The following ZBTB38 variants were observed in gnomAD, a reference collection of about 807,000 sequenced individuals.
The protein encoded by ZBTB38 is zinc finger and BTB domain-containing protein 38.
In ZBTB38, 20 loss-of-function variants were observed where a neutral mutation model predicts 76.8. The ratio of observed to expected loss-of-function variants is 0.26; its 90% CI spans 0.18 to 0.38. The LOEUF is 0.38. Ranked by LOEUF, ZBTB38 falls within the 10% of genes least tolerant of loss-of-function variation. ZBTB38 has a pLI of 1.00. For synonymous variants in ZBTB38, 504 were observed against 544.2 expected, an observed-to-expected ratio of 0.93 and a Z score of 1.03; for missense variants, 1,082 against 1,482.3, an observed-to-expected ratio of 0.73 and a Z score of 4.43.
At chr3:141,374,526 T>C (rs905080406) in intron 2 of ZBTB38, among the ~76,000 whole-genome samples, 4 of 152,102 alleles carry the variant, frequency 2.6e-5, no homozygotes, top group African/African-American at 9.7e-5. Context: ...GGACCCCTCA[T>C]CTTTGTCCAA....
chr3:141,325,791 A>G (rs1942656340), intron 1 of ZBTB38, among the ~76,000 whole-genome samples: 1 of 152,232 alleles, frequency 6.6e-6, no homozygotes, highest in African/African-American at 2.4e-5. Flanking sequence ...AACACTCTTG[A>G]TAATTTAAGC....
intron 1 of ZBTB38, among the ~76,000 whole-genome samples, chr3:141,338,602 A>G (rs1040267130): frequency 6.6e-5 from 10 of 152,210 alleles, no homozygotes; most frequent in Non-Finnish European, 1.5e-4. Flanking sequence ...TTGAGTACAC[A>G]TGGACACAAA....
intron 5 of ZBTB38, among the ~76,000 whole-genome samples, chr3:141,415,825 T>G (rs2073899760): frequency 6.6e-6 from 1 of 152,180 alleles, no homozygotes; most frequent in Non-Finnish European, 1.5e-5. Flanking sequence ...TTATAGTGCC[T>G]CATTCCTTTC....
intron 1 of ZBTB38, among the ~76,000 whole-genome samples, chr3:141,352,124 G>A (rs907417306): frequency 6.6e-6 from 1 of 152,122 alleles, no homozygotes; most frequent in Non-Finnish European, 1.5e-5. Context: ...CACTCTAGGG[G>A]AGCAGGGGAG....
intron 4 of ZBTB38, chr3:141,402,707 C>A (rs1313230879): frequency 6.6e-6 from 1 of 152,000 alleles, no homozygotes; most frequent in African/African-American, 2.4e-5. Context: ...GGGGTGGGTT[C>A]GGCTGGAGAG....
chr3:141,404,354 A>C (rs574440911), intron 5 of ZBTB38, among the ~76,000 whole-genome samples: 1 of 152,148 alleles, frequency 6.6e-6, no homozygotes, highest in African/African-American at 2.4e-5. Flanking sequence ...TGAGGCCCGG[A>C]GAGTTTAAAT....
rs116834214 is a variant in ZBTB38 at position 141,360,215 on chromosome 3, A to G, written c.-738-8406A>G. Among the ~76,000 whole-genome samples the G allele has an allele frequency of 2.9e-3, 447 of 152,292 alleles. 1 individual carries two copies. The highest frequency in any genetic ancestry group is 0.01 in the African/African-American group (434 of 41,558). On this transcript the variant is annotated intron_variant, in intron 1 of 7. Coordinates refer to the ZBTB38 transcript ENST00000509842. Reference sequence around the variant, plus strand: ...GCACCACACAATTCAGTGTCCTCTAATGTCTGTCATAGACCATCTTAGCTC... The same window carrying G: ...GCACCACACAATTCAGTGTCCTCTAGTGTCTGTCATAGACCATCTTAGCTC...
In ZBTB38 at chr3:141,443,252, C is replaced by T. The variant is rs147594598; in HGVS notation, c.864C>T (p.Ser288=). 220 of 1,614,226 alleles carry T rather than the reference C, an allele frequency of 1.4e-4. 1 individual carries two copies. In the African/African-American group the frequency reaches 2.6e-3, roughly 19 times the overall value. The change falls in exon 6 of 6, where the codon TCC becomes TCT. Residue 288 remains serine (S), a synonymous_variant. Coordinates refer to ENST00000321464, the MANE Select transcript of ZBTB38 (RefSeq NM_001376113.1). The surrounding 1 kb of genome is among the most constrained non-coding windows in gnomAD (Gnocchi z 5.6). ...ATENIPPPPV[S]NLEVNQERSP... ...AAAATATACCACCCCCTCCAGTATC[C>T]AACTTAGAGGTTAATCAAGAAAGAA...
At chr3:141,405,236 G>A (rs1274534734) in intron 5 of ZBTB38, among the ~76,000 whole-genome samples, 1 of 152,200 alleles carries the variant, frequency 6.6e-6, no homozygotes, top group Non-Finnish European at 1.5e-5. Flanking sequence ...TTGTTCAACT[G>A]TTAGCAATTT....
chr3:141,365,810 A>G (rs2148970495), upstream of ZBTB38, among the ~76,000 whole-genome samples: 1 of 152,314 alleles, frequency 6.6e-6, no homozygotes, highest in Non-Finnish European at 1.5e-5. Flanking sequence ...TAGATTACAA[A>G]TTACATAATT....
chr3:141,434,086 T>G (rs1034347571), intron 5 of ZBTB38: 3 of 471,574 alleles, frequency 6.4e-6, no homozygotes, highest in African/African-American at 6.4e-5. Flanking sequence ...TGAATCAGAT[T>G]GTCCCTGTAC....
intron 5 of ZBTB38, among the ~76,000 whole-genome samples, chr3:141,426,891 G>A (rs952329120): frequency 2.0e-5 from 3 of 152,214 alleles, no homozygotes; most frequent in African/African-American, 7.2e-5. Flanking sequence ...TGTTTGGGCT[G>A]TAATAGCTTT....
At chr3:141,418,428 C>T (rs1474484444) in intron 5 of ZBTB38, among the ~76,000 whole-genome samples, 12 of 152,206 alleles carry the variant, frequency 7.9e-5, no homozygotes, top group Admixed American at 7.9e-4. Context: ...CCCTCCCTTG[C>T]ACTGACTCCT....
chr3:141,329,118 T>C (rs910728050), intron 1 of ZBTB38, among the ~76,000 whole-genome samples: 1 of 152,206 alleles, frequency 6.6e-6, no homozygotes, highest in African/African-American at 2.4e-5. Context: ...CCCGCCTCCT[T>C]GGAGCTTTTA....
chr3:141,349,755 GAAAGACAGATAAAA>G (rs892771137), intron 1 of ZBTB38, among the ~76,000 whole-genome samples: 2 of 151,630 alleles, frequency 1.3e-5, no homozygotes, highest in African/African-American at 4.8e-5. Context: ...AATACATCAC[GAAAGACAGATAAAA>G]ATAAAAACAA....
At position 141,446,626 on chromosome 3, in the gene ZBTB38, G is replaced by A. The variant is rs977257644; in HGVS notation, c.*650G>A. 3.3e-5 allele frequency: 5 copies of A among 152,612 alleles called. No homozygotes were observed. Among genetic ancestry groups the A allele is most frequent in the African/African-American group, 1.2e-4 (5 of 41,430 alleles). The allele number at this position is 152,612 out of a possible 1,614,324, so 9.5% of individuals were successfully genotyped here. On this transcript the variant is annotated 3_prime_UTR_variant, in exon 6 of 6. Transcript: ENST00000321464. The stretch of plus-strand genomic sequence containing the variant: ...TAACTTTTAACTGTCCATATCCCCT[G>A]TAGAGAATTATGAGGAGCAATAGAT...
chr3:141,443,747 T>C lies in ZBTB38; in HGVS notation c.1359T>C (p.Phe453=), dbSNP rs1218587319. ...CAGACACGGACCACATGGTTAAATT[T>C]GTTAATGGGCAAATGCTCTACAGTT... ...TLPDTDHMVK[F]VNGQMLYSCV... The change falls in exon 6 of 6, where the codon TTT becomes TTC. Residue 453 remains phenylalanine, a synonymous_variant. Transcript: ENST00000321464. The surrounding 1 kb of genome is among the most constrained non-coding windows in gnomAD (Gnocchi z 5.6). 1 of 1,613,948 alleles carries C rather than the reference T, an allele frequency of 6.2e-7. No homozygotes were observed. Among genetic ancestry groups the C allele is most frequent in the Admixed American group, 1.7e-5 (1 of 60,024 alleles).
chr3:141,428,418 G>A (rs1368415023), intron 5 of ZBTB38, among the ~76,000 whole-genome samples: 1 of 152,206 alleles, frequency 6.6e-6, no homozygotes, highest in Non-Finnish European at 1.5e-5. Context: ...CTATGAGCAT[G>A]TTAATAATAC....
intron 3 of ZBTB38, among the ~76,000 whole-genome samples, chr3:141,382,941 C>T (rs913523014): frequency 6.6e-6 from 1 of 152,316 alleles, no homozygotes; most frequent in Middle Eastern, 3.4e-3. Context: ...AAGACGTAGA[C>T]TTTGCAATCA....
Sources: allele counts gnomAD v4.1 joint callset (sites outside exome capture counted in the v4.1 genomes callset), GRCh38; gene constraint gnomAD v4.1.1; non-coding constraint Gnocchi (gnomAD v3.1); transcripts MANE v1.5; gene names NCBI Gene and HGNC (gene_info 2026-07-23, HGNC 2026-07-21).